Variants in ZNF638 observed in about 807,000 individuals in gnomAD.
The protein encoded by ZNF638 is CTCL tumor antigen se33-1.
In ZNF638, 46 loss-of-function variants were observed where a neutral mutation model predicts 195.6. The observed-to-expected ratio is 0.24, with a 90% confidence interval of 0.19 to 0.30. The LOEUF is 0.30. ZNF638 is among the 10% of genes least tolerant of loss of function. The probability of loss-of-function intolerance (pLI) is 1.00; values close to 1 mark genes in which losing one functional copy is unlikely to be tolerated. For synonymous variants in ZNF638, 845 were observed against 772.0 expected, an observed-to-expected ratio of 1.09 and a Z score of -1.57; for missense variants, 2,440 against 2,325.3, an observed-to-expected ratio of 1.05 and a Z score of -1.01.
Position 71,364,089 on chromosome 2 carries a change from G to A in ZNF638, c.1554G>A (p.Pro518=), listed in dbSNP as rs753385546. ...SRSPMHYMYR[P]RSRSPRICHR... is the part of the protein sequence containing the mutation. ...GCCCAATGCATTACATGTATAGGCC[G>A]AGAAGTCGAAGTCCAAGAATTTGCC... is the stretch of plus-strand genomic sequence containing the variant. The change falls in exon 5 of 28, where the codon CCG becomes CCA. Residue 518 remains proline, a synonymous_variant. Transcript: ENST00000264447. 3.7e-6 allele frequency: 6 copies of A among 1,614,142 alleles called. No homozygotes were observed. The highest frequency in any genetic ancestry group is 3.3e-5 in the Admixed American group (2 of 60,016).
chr2:71,406,164 C>G lies in ZNF638; in HGVS notation c.3037C>G (p.Leu1013Val). The G allele has an allele frequency of 6.2e-7, 1 of 1,613,692 alleles. No individual in the cohort carries two copies. Among genetic ancestry groups the G allele is most frequent in the Non-Finnish European group, 8.5e-7 (1 of 1,179,752 alleles). The stretch of plus-strand genomic sequence containing the variant: ...TACAATTTATGATCGATTTGTACAT[C>G]TTGATAATTTACCGGAAGATGGACT... ...IDTIYDRFVH[L>V]DNLPEDGLQC... is the part of the protein sequence containing the mutation. Residue 1013 changes from leucine to valine, a missense_variant, in exon 19 of 28, where the codon CTT (leucine) becomes GTT (valine). Transcript: ENST00000264447.
intron 1 of ZNF638, among the ~76,000 whole-genome samples, chr2:71,332,508 G>A (rs962670715): frequency 6.6e-6 from 1 of 152,216 alleles, no homozygotes; most frequent in Non-Finnish European, 1.5e-5. Context: ...TGAAACCAAA[G>A]AAAATATCAC....
intron 10 of ZNF638, chr2:71,393,481 C>T (rs1441663572): frequency 1.4e-6 from 1 of 717,740 alleles, no homozygotes; most frequent in Non-Finnish European, 2.6e-6. Flanking sequence ...GGAAATGATC[C>T]TGCAGGACCC....
At chr2:71,385,853 A>G (rs2079626172) in intron 10 of ZNF638, among the ~76,000 whole-genome samples, 1 of 152,210 alleles carries the variant, frequency 6.6e-6, no homozygotes, top group African/African-American at 2.4e-5. Context: ...GCTTTCATAA[A>G]ACTATAGAAT....
Position 71,373,097 on chromosome 2 carries a change from G to A in ZNF638, c.2265+3092G>A, listed in dbSNP as rs144309701. On this transcript the variant is annotated intron_variant, in intron 8 of 27. Coordinates refer to ENST00000264447, the MANE Select transcript of ZNF638 (RefSeq NM_014497.5). ...ATATAAGATTGCTCACTAAATAACT[G>A]TTATAATTTACTCCCTGGTAATTTA... is the stretch of plus-strand genomic sequence containing the variant. Among the ~76,000 whole-genome samples, 428 of 152,254 alleles carry A rather than the reference G, an allele frequency of 2.8e-3. 1 individual carries two copies. Among genetic ancestry groups the A allele is most frequent in the African/African-American group, 9.0e-3 (376 of 41,566 alleles).
intron 10 of ZNF638, chr2:71,388,302 C>T (rs1028472154): frequency 2.6e-5 from 11 of 422,460 alleles, no homozygotes; most frequent in Non-Finnish European, 4.9e-5. Context: ...CTTTTGCCGA[C>T]CTTTGATCAT....
chr2:71,397,911 G>A (rs1254695675), intron 11 of ZNF638, among the ~76,000 whole-genome samples: 3 of 152,176 alleles, frequency 2.0e-5, no homozygotes, highest in Non-Finnish European at 4.4e-5. Flanking sequence ...GTAGGAATGA[G>A]TCAAAACAAT....
At chr2:71,364,273 T>C (rs766299364) in intron 5 of ZNF638, 21 bp downstream of exon 5, 4 of 1,590,566 alleles carry the variant, frequency 2.5e-6, no homozygotes, top group Non-Finnish European at 2.6e-6. Flanking sequence ...GGCCATGAAA[T>C]AGTGAATGTA....
chr2:71,389,210 GA>G (rs1018864970), intron 10 of ZNF638, among the ~76,000 whole-genome samples: 1 of 151,916 alleles, frequency 6.6e-6, no homozygotes, highest in African/African-American at 2.4e-5. Context: ...CAATAAATTG[GA>G]AAAAAGACAA....
At chr2:71,341,464 C>G (rs951575915) in intron 1 of ZNF638, among the ~76,000 whole-genome samples, 2 of 151,952 alleles carry the variant, frequency 1.3e-5, no homozygotes, top group African/African-American at 2.4e-5. Context: ...ACCCCACCCC[C>G]CCATCATGCG....
intron 25 of ZNF638, among the ~76,000 whole-genome samples, chr2:71,429,430 A>C (rs1181321495): frequency 2.6e-5 from 4 of 152,092 alleles, no homozygotes; most frequent in African/African-American, 4.8e-5. Context: ...CTTCTACATC[A>C]CCTAACCCGT....
At chr2:71,367,660 C>G (rs184790120) in intron 6 of ZNF638, among the ~76,000 whole-genome samples, 63 of 151,432 alleles carry the variant, frequency 4.2e-4, no homozygotes, top group African/African-American at 1.4e-3. Context: ...AGGCTGGTCT[C>G]GAACACCTGA....
intron 22 of ZNF638, 72 bp from the exon 23 acceptor site, chr2:71,424,577 TG>T (rs2080498775): frequency 7.7e-7 from 1 of 1,292,282 alleles, no homozygotes; most frequent in East Asian, 2.3e-5. Context: ...TTTTGTTTTT[TG>T]TTTTTTTTTC....
intron 21 of ZNF638, among the ~76,000 whole-genome samples, chr2:71,421,682 A>G (rs1278810198): frequency 6.6e-6 from 1 of 152,212 alleles, no homozygotes; most frequent in Non-Finnish European, 1.5e-5. Context: ...TTCCTTAAAA[A>G]ATAGGAGAAG....
chr2:71,356,453 A>G (rs571565300), intron 3 of ZNF638, among the ~76,000 whole-genome samples: 1 of 152,340 alleles, frequency 6.6e-6, no homozygotes, highest in South Asian at 2.1e-4. Flanking sequence ...GTTATTGGGC[A>G]AATGGATTTG....
rs148484922 is a variant in ZNF638 at position 71,349,779 on chromosome 2, C to T, written c.825C>T (p.Pro275=). The T allele has an allele frequency of 3.4e-5, 55 of 1,614,186 alleles. No individual in the cohort carries two copies. Among genetic ancestry groups the T allele is most frequent in the Middle Eastern group, 1.6e-4 (1 of 6,062 alleles). Residue 275 remains proline, a synonymous_variant, in exon 2 of 28, where the codon CCC becomes CCT. Transcript: ENST00000264447. ...ACGTATTTCGCCAAATGGACTTCCC[C>T]GGTGAGTCCTCCAATAATCGGTCCT... The part of the protein sequence containing the change: ...VEDVFRQMDF[P]GESSNNRSFF...
At chr2:71,418,018 T>G (rs561265822) in intron 20 of ZNF638, among the ~76,000 whole-genome samples, 3 of 152,334 alleles carry the variant, frequency 2.0e-5, no homozygotes, top group African/African-American at 7.2e-5. Context: ...TTTTGTTCAC[T>G]GATGCATCCC....
At position 71,434,961 on chromosome 2, in the gene ZNF638, A is replaced by G; in HGVS notation, c.*154A>G. The G allele has an allele frequency of 6.9e-6, 4 of 582,314 alleles. No homozygotes were observed. The highest frequency in any genetic ancestry group is 1.2e-5 in the Non-Finnish European group (4 of 330,714). 36.1% of individuals were successfully genotyped at this position (582,314 alleles called of 1,614,324 possible). A position where few individuals can be genotyped will look rare whatever the true frequency, so the allele number is the denominator to read the frequency against. ...CCTAAATGTAGAGAGACTGATGGGGAAAGTATGATGGGTTTGATTTTTATA... is the reference window on the plus strand; with the variant it reads ...CCTAAATGTAGAGAGACTGATGGGGGAAGTATGATGGGTTTGATTTTTATA... On this transcript the variant is annotated 3_prime_UTR_variant, in exon 28 of 28. Coordinates refer to ENST00000264447, the MANE Select transcript of ZNF638 (RefSeq NM_014497.5).
chr2:71,366,685 A>G (rs968155897), intron 6 of ZNF638, among the ~76,000 whole-genome samples: 4 of 152,204 alleles, frequency 2.6e-5, no homozygotes, highest in Admixed American at 6.5e-5. Flanking sequence ...TTAGTAAGGT[A>G]TAAGAGTGAG....
Sources: gnomAD v4.1 joint callset for allele counts (sites outside exome capture counted in the v4.1 genomes callset) on GRCh38, gnomAD v4.1.1 for gene constraint, MANE v1.5 for transcripts, NCBI Gene and HGNC (gene_info 2026-07-23, HGNC 2026-07-21) for gene names.